Variants in NUP62CL observed in about 807,000 individuals in gnomAD.
NUP62CL encodes nucleoporin 62 C-terminal like.
A neutral mutation model predicts 15.3 loss-of-function variants in NUP62CL; 13 were observed. That is an observed-to-expected ratio of 0.85 (90% CI 0.55 to 1.35). The LOEUF is 1.35. NUP62CL is among the 40% of genes most tolerant of loss of function. The pLI, the probability that NUP62CL is intolerant of heterozygous loss-of-function variation, is 0.00. For missense variants in NUP62CL, 123 were observed against 130.6 expected (o/e 0.94, Z 0.28); for synonymous variants, 54 against 49.2 (o/e 1.10, Z -0.41).
At chrX:107,137,630 C>T (rs914272154) in intron 8 of NUP62CL, among the ~76,000 whole-genome samples, 1 of 111,368 alleles carries the variant, frequency 9.0e-6, no homozygotes, top group Non-Finnish European at 1.9e-5. Flanking sequence ...ATAATCACTA[C>T]AAAGTAATAA....
chrX:107,173,891 C>A (rs940534926), intron 3 of NUP62CL, among the ~76,000 whole-genome samples: 6 of 110,626 alleles, frequency 5.4e-5, no homozygotes, highest in African/African-American at 1.6e-4. Context: ...GGGGCTATTA[C>A]AGCTAGGATT....
chrX:107,179,822 A>G (rs939712405), intron 2 of NUP62CL, among the ~76,000 whole-genome samples: 3 of 112,252 alleles, frequency 2.7e-5, no homozygotes, highest in African/African-American at 9.7e-5. Flanking sequence ...AATTGAGACA[A>G]TTTATACTCC....
chrX:107,163,005 G>A (rs1420551647), intron 4 of NUP62CL, among the ~76,000 whole-genome samples: 6 of 111,876 alleles, frequency 5.4e-5, no homozygotes, highest in East Asian at 5.6e-4. Context: ...TGTGTGGTCC[G>A]GTTCCTAACA....
At chrX:107,132,825 GGTTTTATTAA>G (rs1241977962) in intron 8 of NUP62CL, among the ~76,000 whole-genome samples, 1 of 111,808 alleles carries the variant, frequency 8.9e-6, no homozygotes, top group Admixed American at 9.4e-5. Context: ...TTAAATTCGA[GGTTTTATTAA>G]GTTAAGTATA....
At chrX:107,200,958 T>A in intron 1 of NUP62CL, among the ~76,000 whole-genome samples, 1 of 111,300 alleles carries the variant, frequency 9.0e-6, no homozygotes. Context: ...TGAAGAATGA[T>A]AATCATAAAA....
At chrX:107,191,298 A>G (rs1236069823) in intron 2 of NUP62CL, among the ~76,000 whole-genome samples, 1 of 107,609 alleles carries the variant, frequency 9.3e-6, no homozygotes, top group Non-Finnish European at 1.9e-5. Flanking sequence ...ACAGAGCTCC[A>G]TATTTCTCAT....
chrX:107,153,235 T>C lies in NUP62CL; in HGVS notation c.467A>G (p.Glu156Gly), dbSNP rs1367186290. ...ELEFLLTYLEESTRDQSGLHY... is the reference protein window; with the variant it reads ...ELEFLLTYLEGSTRDQSGLHY... ...AAGTCCACTCTGGTCACGCGTAGAC[T>C]CCTCTAAATAAGTCAACAGAAATTC... The change falls in exon 7 of 9, where the codon GAG (glutamate) becomes GGG (glycine). Residue 156 changes from glutamate (E) to glycine (G), a missense_variant. By Grantham distance (98) the Glu-to-Gly change is moderately conservative (BLOSUM62 -2). Transcript: ENST00000372466. 8.3e-7 allele frequency: 1 copy of C among 1,207,524 alleles called. No homozygotes were observed. Among genetic ancestry groups the C allele is most frequent in the Non-Finnish European group, 1.1e-6 (1 of 891,904 alleles).
At chrX:107,180,694 TAC>T (rs983625809) in intron 2 of NUP62CL, among the ~76,000 whole-genome samples, 4 of 111,130 alleles carry the variant, frequency 3.6e-5, no homozygotes, top group African/African-American at 1.3e-4. Context: ...TGGAAAGACA[TAC>T]GCAATTACAG....
At chrX:107,190,905 A>G (rs1927221399) in intron 2 of NUP62CL, among the ~76,000 whole-genome samples, 1 of 109,728 alleles carries the variant, frequency 9.1e-6, no homozygotes, top group African/African-American at 3.3e-5. Flanking sequence ...GAGAAGAGCC[A>G]AAAGCAAAAG....
chrX:107,185,771 C>T (rs997559630), intron 2 of NUP62CL, among the ~76,000 whole-genome samples: 1 of 111,014 alleles, frequency 9.0e-6, no homozygotes, highest in Non-Finnish European at 1.9e-5. Context: ...CTATACATAC[C>T]AATTAAAAAT....
chrX:107,134,902 T>A (rs1925603541), intron 8 of NUP62CL, among the ~76,000 whole-genome samples: 1 of 111,612 alleles, frequency 9.0e-6, no homozygotes. Context: ...TTTGATAGTC[T>A]GTCACTCTTG....
At chrX:107,156,134 C>A (rs1365906174) in intron 4 of NUP62CL, among the ~76,000 whole-genome samples, 1 of 111,491 alleles carries the variant, frequency 9.0e-6, no homozygotes, top group Admixed American at 9.4e-5. Flanking sequence ...GTCCTACGCC[C>A]ACGGCATCTC....
At chrX:107,183,316 C>T (rs1451857757) in intron 2 of NUP62CL, among the ~76,000 whole-genome samples, 5 of 109,872 alleles carry the variant, frequency 4.6e-5, no homozygotes, top group African/African-American at 1.7e-4. Flanking sequence ...ACGTAAGAAG[C>T]CCAGGAGTGG....
In NUP62CL at chrX:107,206,395, A is replaced by C. The variant is rs900377593; in HGVS notation, c.-214T>G. On this transcript the variant is annotated 5_prime_UTR_variant, in exon 1 of 9. Coordinates refer to ENST00000372466, the MANE Select transcript of NUP62CL (RefSeq NM_017681.3). ...CGAGCCGGAAAGAATCGGCCTCCTT[A>C]GTGGGCAGGTTCCCGCTGAAGTGAA... 3.7e-4 allele frequency: 41 copies of C among 109,778 alleles called. No individual in the cohort carries two copies. The highest frequency in any genetic ancestry group is 1.3e-3 in the African/African-American group (40 of 30,052). 9.0% of individuals were successfully genotyped at this position (109,778 alleles called of 1,213,427 possible). A position where few individuals can be genotyped will look rare whatever the true frequency, so the allele number is the denominator to read the frequency against.
intron 4 of NUP62CL, among the ~76,000 whole-genome samples, chrX:107,155,985 G>A (rs1235769345): frequency 8.9e-6 from 1 of 112,163 alleles, no homozygotes; most frequent in Non-Finnish European, 1.9e-5. Flanking sequence ...AAGGGGTCAG[G>A]GAGTTCCCTT....
At chrX:107,172,733 T>C (rs1332409004) in intron 3 of NUP62CL, among the ~76,000 whole-genome samples, 1 of 112,295 alleles carries the variant, frequency 8.9e-6, no homozygotes, top group African/African-American at 3.2e-5. Flanking sequence ...ACCAGCTAAA[T>C]ACTGTGATCA....
intron 1 of NUP62CL, among the ~76,000 whole-genome samples, chrX:107,201,029 T>C (rs1326096164): frequency 9.0e-6 from 1 of 111,554 alleles, no homozygotes; most frequent in Admixed American, 9.5e-5. Flanking sequence ...AACTGTTATT[T>C]ACAAGGAAAA....
Position 107,124,004 on chromosome X carries a change from T to A in NUP62CL, c.*371A>T, listed in dbSNP as rs1482068591. ...GGGAGAGTAAGACATAAATTACACA[T>A]ATAGAGTCAGCATCTAAGAGGTTGC... On this transcript the variant is annotated 3_prime_UTR_variant, in exon 9 of 9. Transcript: ENST00000372466. 1.8e-5 allele frequency: 4 copies of A among 219,508 alleles called. No homozygotes were observed. Among genetic ancestry groups the A allele is most frequent in the Non-Finnish European group, 3.3e-5 (4 of 122,182 alleles). The allele number at this position is 219,508 out of a possible 1,213,427, so 18.1% of individuals were successfully genotyped here. A position where few individuals can be genotyped will look rare whatever the true frequency, so the allele number is the denominator to read the frequency against.
intron 1 of NUP62CL, among the ~76,000 whole-genome samples, chrX:107,200,646 A>G (rs1010916531): frequency 9.4e-6 from 1 of 106,242 alleles, no homozygotes; most frequent in African/African-American, 3.4e-5. Flanking sequence ...AGAGAGAGAG[A>G]GAGAATCTTG....
Sources: gnomAD v4.1 joint callset for allele counts (sites outside exome capture counted in the v4.1 genomes callset) on GRCh38, gnomAD v4.1.1 for gene constraint, MANE v1.5 for transcripts, NCBI Gene and HGNC (gene_info 2026-07-23, HGNC 2026-07-21) for gene names.